TTC6: variants seen among roughly 807,000 people sequenced by gnomAD.
The protein encoded by TTC6 is tetratricopeptide repeat protein 6.
In TTC6, 172 loss-of-function variants were observed where a neutral mutation model predicts 210.4. The observed-to-expected ratio is 0.82, with a 90% CI of 0.72 to 0.93. The LOEUF (loss-of-function observed/expected upper bound fraction) is 0.93, where lower values mean the gene tolerates loss of function less well. Ranked by LOEUF, TTC6 falls within the 40% of genes least tolerant of loss-of-function variation. The probability of loss-of-function intolerance (pLI) is 0.00; values close to 1 mark genes in which losing one functional copy is unlikely to be tolerated. For missense variants in TTC6, 2,414 were observed against 2,318.1 expected (o/e 1.04, Z -0.85); for synonymous variants, 804 against 819.6 (o/e 0.98, Z 0.32).
chr14:37,709,958 T>G (rs11850839), intron 5 of TTC6, among the ~76,000 whole-genome samples: 11,158 of 152,238 alleles, frequency 0.073, 499 homozygotes, highest in African/African-American at 0.13. Flanking sequence ...GTTTTTCAAA[T>G]TGTGGATTGC....
rs374586148 is a variant in TTC6 at position 37,744,376 on chromosome 14, G to T, written c.2364-4563G>T. ...AAGAAAATAAAGCAGTGCAGCAAAG[G>T]TTACTATTTTAGACAGAGTGGTCAG... On this transcript the variant is annotated intron_variant, in intron 10 of 30. Coordinates refer to ENST00000553443, the Ensembl canonical transcript of TTC6. Among the ~76,000 whole-genome samples, 91 of 152,286 alleles carry T rather than the reference G, an allele frequency of 6.0e-4. 1 individual carries two copies. In the South Asian group the frequency reaches 0.017, roughly 29 times the overall value.
exon 25 of TTC6, chr14:37,812,380 C>T (rs2096131495): frequency 1.2e-6 from 2 of 1,613,434 alleles, no homozygotes; most frequent in South Asian, 1.1e-5. Flanking sequence ...AAATACCTTC[C>T]TTAATCGTGG....
At chr14:37,695,190 C>A (rs975876665) in intron 3 of TTC6, among the ~76,000 whole-genome samples, 4 of 151,154 alleles carry the variant, frequency 2.6e-5, no homozygotes, top group African/African-American at 9.7e-5. Flanking sequence ...AAAATCAAAA[C>A]AATTGAACCC....
chr14:37,706,990 T>A (rs1325527449), intron 5 of TTC6, among the ~76,000 whole-genome samples: 1 of 152,028 alleles, frequency 6.6e-6, no homozygotes, highest in African/African-American at 2.4e-5. Flanking sequence ...TTTTTGTCAT[T>A]TTATATTCTC....
At chr14:37,604,475 A>T (rs1283439276) in intron 1 of TTC6, among the ~76,000 whole-genome samples, 1 of 152,046 alleles carries the variant, frequency 6.6e-6, no homozygotes, top group Admixed American at 6.6e-5. Context: ...CGAGAGAGGG[A>T]GGATGCCTCC....
chr14:37,801,401 T>C (rs1400515168), intron 20 of TTC6, among the ~76,000 whole-genome samples: 1 of 152,190 alleles, frequency 6.6e-6, no homozygotes, highest in African/African-American at 2.4e-5. Flanking sequence ...GCCAGATCAT[T>C]AGAGTCATCT....
intron 1 of TTC6, among the ~76,000 whole-genome samples, chr14:37,654,420 C>A (rs974962205): frequency 5.9e-5 from 9 of 151,996 alleles, no homozygotes; most frequent in Non-Finnish European, 7.4e-5. Context: ...AGCACCCACC[C>A]CCTCACTCTC....
intron 6 of TTC6, among the ~76,000 whole-genome samples, chr14:37,718,693 C>T (rs2138787039): frequency 6.6e-6 from 1 of 152,232 alleles, no homozygotes; most frequent in South Asian, 2.1e-4. Flanking sequence ...TTTGGGAGGC[C>T]AAGGTGGGCA....
At chr14:37,723,869 A>C (rs1487522007) in intron 6 of TTC6, among the ~76,000 whole-genome samples, 2 of 152,184 alleles carry the variant, frequency 1.3e-5, no homozygotes, top group Non-Finnish European at 2.9e-5. Context: ...ATTAAAGGAG[A>C]GATCACGCAT....
chr14:37,823,782 C>A (rs1019014236), exon 27 of TTC6: 10 of 1,613,884 alleles, frequency 6.2e-6, no homozygotes, highest in African/African-American at 2.7e-5. Context: ...AATTTCTTTA[C>A]TTGGGCTCTT....
intron 1 of TTC6, among the ~76,000 whole-genome samples, chr14:37,640,412 G>A (rs2095689631): frequency 6.6e-6 from 1 of 152,088 alleles, no homozygotes; most frequent in Non-Finnish European, 1.5e-5. Flanking sequence ...CAAAATAATT[G>A]CTTTTTCTGG....
chr14:37,646,215 G>T (rs889686723), intron 1 of TTC6, among the ~76,000 whole-genome samples: 1 of 152,184 alleles, frequency 6.6e-6, no homozygotes, highest in African/African-American at 2.4e-5. Context: ...GTTGGAATGT[G>T]TGCCAAGACC....
At chr14:37,708,016 T>C (rs1049552022) in intron 5 of TTC6, among the ~76,000 whole-genome samples, 4 of 152,130 alleles carry the variant, frequency 2.6e-5, no homozygotes, top group African/African-American at 7.2e-5. Context: ...GTTAAAAATA[T>C]TGTAATAAGG....
At chr14:37,730,022 T>A (rs1037948871) in intron 7 of TTC6, among the ~76,000 whole-genome samples, 1 of 152,046 alleles carries the variant, frequency 6.6e-6, no homozygotes, top group East Asian at 1.9e-4. Context: ...CCACTCCCAA[T>A]GACCAGGAGA....
In TTC6 at chr14:37,600,043, C is replaced by A. The variant is rs143244585; in HGVS notation, c.-235+4035C>A. 3.6e-3 allele frequency among the ~76,000 whole-genome samples: 546 copies of A among 152,312 alleles called. 3 individuals are homozygous for A. Among genetic ancestry groups the A allele is most frequent in the African/African-American group, 0.013 (526 of 41,582 alleles). ...TGCTGAAAGGATCCTCGGGCTTTCC[C>A]GCTCTACTTTAAAACCCCTAGGGCT... On this transcript the variant is annotated intron_variant, in intron 1 of 2. Coordinates refer to the TTC6 transcript ENST00000556845.
At chr14:37,749,341 G>A (rs970262382) in exon 11 of TTC6, 34 of 1,493,356 alleles carry the variant, frequency 2.3e-5, no homozygotes, top group Non-Finnish European at 2.9e-5. Context: ...CATATTGTAG[G>A]CGTGGAGCTA....
chr14:37,839,178 G>A (rs1390025151), intron 29 of TTC6, among the ~76,000 whole-genome samples: 4 of 152,086 alleles, frequency 2.6e-5, no homozygotes. Context: ...GGGATTGCTG[G>A]GTCAAATGGT....
chr14:37,692,332 A>C (rs1372042737), intron 3 of TTC6, among the ~76,000 whole-genome samples: 1 of 151,896 alleles, frequency 6.6e-6, no homozygotes, highest in East Asian at 1.9e-4. Context: ...CAATGCATTA[A>C]AAAGATCATT....
chr14:37,774,076 G>A (rs1305330135), intron 14 of TTC6, among the ~76,000 whole-genome samples: 3 of 152,028 alleles, frequency 2.0e-5, no homozygotes, highest in Non-Finnish European at 4.4e-5. Context: ...TTCTTGGTAT[G>A]GAGGAATGAT....
Sources: gnomAD v4.1 joint callset for allele counts (sites outside exome capture counted in the v4.1 genomes callset) on GRCh38, gnomAD v4.1.1 for gene constraint, MANE v1.5 for transcripts, NCBI Gene and HGNC (gene_info 2026-07-23, HGNC 2026-07-21) for gene names.